USP6: variants seen among roughly 807,000 people sequenced by gnomAD.
USP6 encodes ubiquitin carboxyl-terminal hydrolase 6.
A neutral mutation model predicts 175.7 loss-of-function variants in USP6; 128 were observed. That is an observed-to-expected ratio of 0.73 (90% CI 0.63 to 0.84). The LOEUF (loss-of-function observed/expected upper bound fraction) is 0.84, where lower values mean the gene tolerates loss of function less well. USP6 is among the 40% of genes least tolerant of loss of function. The pLI is 0.00. For missense variants in USP6, 1,498 were observed against 1,760.3 expected (o/e 0.85, Z 2.67); for synonymous variants, 562 against 630.6 (o/e 0.89, Z 1.63).
chr17:5,126,680 C>G (rs2072904668), intron 6 of USP6: 1 of 152,322 alleles, frequency 6.6e-6, no homozygotes, highest in African/African-American at 2.4e-5. Context: ...CCTCATCTCT[C>G]TTTCTCTCTC....
intron 24 of USP6, 76 bp downstream of exon 24, chr17:5,142,217 T>C: frequency 2.6e-6 from 4 of 1,561,684 alleles, no homozygotes; most frequent in Non-Finnish European, 2.6e-6. Flanking sequence ...TTTCCTCTTT[T>C]TTCACCCTGC....
chr17:5,138,906 G>A, intron 21 of USP6: 1 of 1,026,086 alleles, frequency 9.7e-7, no homozygotes, highest in Non-Finnish European at 1.4e-6. Flanking sequence ...CATGTGAGGT[G>A]GCAAGGAGCT....
intron 37 of USP6, 57 bp downstream of exon 37, chr17:5,171,736 T>C: frequency 6.5e-7 from 1 of 1,547,140 alleles, no homozygotes; most frequent in South Asian, 1.1e-5. Context: ...TGGGGAACAT[T>C]TGTTGAAATA....
At position 5,133,880 on chromosome 17, in the gene USP6, C is replaced by G. The variant is rs765715297; in HGVS notation, c.385-7C>G. 1.9e-6 allele frequency: 3 copies of G among 1,613,794 alleles called. No homozygotes were observed. Among genetic ancestry groups the G allele is most frequent in the Non-Finnish European group, 2.5e-6 (3 of 1,179,812 alleles). On this transcript the variant is annotated splice_polypyrimidine_tract_variant and splice_region_variant and intron_variant, in intron 14 of 37. Transcript: ENST00000574788. ...GGCTGCTTCCTCCTCTTGGCCCTGC[C>G]CTACAGATCATGAAGGAGAGGGGCA... is the stretch of plus-strand genomic sequence containing the variant.
rs1445631903 is a variant in USP6, at chr17:5,121,754, AG to A, written c.-1299+5del. 1.9e-5 allele frequency: 3 copies of A among 156,444 alleles called. No individual in the cohort carries two copies. The highest frequency in any genetic ancestry group is 7.2e-5 in the African/African-American group (3 of 41,458). The allele number at this position is 156,444 out of a possible 1,614,324, so 9.7% of individuals were successfully genotyped here. ...TGCTAGAGGTTGAGGACGCTCAGTGAGTGTGCACCCGGGTACCTGCTGGGGC... is the reference window on the plus strand; with the variant it reads ...TGCTAGAGGTTGAGGACGCTCAGTGATGTGCACCCGGGTACCTGCTGGGGC... On this transcript the variant is annotated splice_donor_5th_base_variant and intron_variant, in intron 4 of 37. Transcript: ENST00000574788.
intron 32 of USP6, 36 bp from the exon 33 acceptor site, chr17:5,162,848 T>G: frequency 6.3e-7 from 1 of 1,576,338 alleles, no homozygotes; most frequent in Non-Finnish European, 8.5e-7. Flanking sequence ...CCTTCATAAT[T>G]ATTTCTTCCT....
chr17:5,155,625 T>G lies in USP6; in HGVS notation c.2828+19T>G, dbSNP rs1598072585. On this transcript the variant is annotated intron_variant, in intron 31 of 37. Transcript: ENST00000574788. ...AGGATCGGTGAGTTCAGGGGATCCA[T>G]CTAAACCTGTGGTTTCCAAACTCTA... The G allele has an allele frequency of 6.2e-7, 1 of 1,601,852 alleles. No individual in the cohort carries two copies. Among genetic ancestry groups the G allele is most frequent in the East Asian group, 2.2e-5 (1 of 44,712 alleles).
chr17:5,145,320 T>G, intron 26 of USP6, 85 bp from the exon 27 acceptor site: 1 of 1,430,124 alleles, frequency 7.0e-7, no homozygotes, highest in South Asian at 1.6e-5. Context: ...TTAAATCCAA[T>G]ATATTTAACC....
Position 5,168,018 on chromosome 17 carries a change from C to T in USP6, c.3123C>T (p.Thr1041=). The change falls in exon 34 of 38, where the codon ACC becomes ACT. Residue 1041 remains threonine, a synonymous_variant. Coordinates refer to ENST00000574788, the MANE Select transcript of USP6 (RefSeq NM_001304284.2). ...INLDSCLRAF[T]SEEELGESEM... is the part of the protein sequence containing the mutation. ...TGGACAGCTGTCTCCGTGCTTTCACCAGTGAGGAAGAGCTAGGGGAAAGTG... is the reference window on the plus strand; with the variant it reads ...TGGACAGCTGTCTCCGTGCTTTCACTAGTGAGGAAGAGCTAGGGGAAAGTG... 6.2e-7 allele frequency: 1 copy of T among 1,611,970 alleles called. No homozygotes were observed. Among genetic ancestry groups the T allele is most frequent in the Non-Finnish European group, 8.5e-7 (1 of 1,179,848 alleles).
Position 5,142,602 on chromosome 17 carries a change from A to T in USP6, c.1818+100A>T, listed in dbSNP as rs1164361888. 3.5e-6 allele frequency: 5 copies of T among 1,448,750 alleles called. No individual in the cohort carries two copies. The African/African-American group carries it at 7.1e-5, about 21-fold the overall frequency. 89.7% of individuals were successfully genotyped at this position (1,448,750 alleles called of 1,614,324 possible). On this transcript the variant is annotated intron_variant, in intron 25 of 37. Coordinates refer to ENST00000574788, the MANE Select transcript of USP6 (RefSeq NM_001304284.2). ...TGTGTTTAGCCTTTTAGCTTAATGA[A>T]CGTTTTTGGATCCTTTACTTGGTAT...
chr17:5,146,305 CA>C, intron 28 of USP6, 131 bp downstream of exon 28: 1 of 1,293,774 alleles, frequency 7.7e-7, no homozygotes, highest in South Asian at 1.9e-5. Flanking sequence ...TGAACAACAA[CA>C]AAAAATGCCA....
chr17:5,147,656 G>A (rs2144015922), intron 29 of USP6, among the ~76,000 whole-genome samples: 1 of 152,224 alleles, frequency 6.6e-6, no homozygotes, highest in South Asian at 2.1e-4. Flanking sequence ...GGCTTTATGA[G>A]GCTCCCTTCA....
chr17:5,138,072 T>C, intron 20 of USP6, 49 bp from the exon 21 acceptor site: 1 of 1,613,476 alleles, frequency 6.2e-7, no homozygotes, highest in East Asian at 2.2e-5. Flanking sequence ...GTATGAGCTG[T>C]GACCATTCCC....
Position 5,135,812 on chromosome 17 carries a change from TGG to T in USP6, c.550_551del (p.Gly184LeufsTer18). ...TGGTGACTCTGGCTCTTGCAGGAGG[TGG>T]GCTACTGCAGGGACCTGAGCCACAT... On this transcript the variant is annotated frameshift_variant, in exon 17 of 38. Transcript: ENST00000574788. LOFTEE classifies it high-confidence loss of function. 1 of 1,597,880 alleles carries T rather than the reference TGG, an allele frequency of 6.3e-7. No individual in the cohort carries two copies. The highest frequency in any genetic ancestry group is 1.3e-5 in the African/African-American group (1 of 74,920).
chr17:5,168,657 G>T lies in USP6; in HGVS notation c.3229-110G>T, dbSNP rs2074146743. 3.9e-5 allele frequency: 55 copies of T among 1,397,818 alleles called. No homozygotes were observed. The South Asian group carries it at 8.0e-4, about 20-fold the overall frequency. The allele number at this position is 1,397,818 out of a possible 1,614,324, so 86.6% of individuals were successfully genotyped here. A position where few individuals can be genotyped will look rare whatever the true frequency, so the allele number is the denominator to read the frequency against. On this transcript the variant is annotated intron_variant, in intron 34 of 37. Transcript: ENST00000574788. Reference sequence around the variant, plus strand: ...CTTTAAAAAATAATGAAGAGTAAATGTTCTGTTATATATTTCCAAACATTC... The same window carrying T: ...CTTTAAAAAATAATGAAGAGTAAATTTTCTGTTATATATTTCCAAACATTC...
intron 24 of USP6, 60 bp downstream of exon 24, chr17:5,142,201 C>T (rs1010130804): frequency 4.5e-6 from 7 of 1,568,876 alleles, no homozygotes; most frequent in Non-Finnish European, 6.0e-6. Context: ...CCCACTATCA[C>T]CTAAATTTCC....
At chr17:5,120,922 A>G in intron 3 of USP6, 134 bp downstream of exon 3, 1 of 454,532 alleles carries the variant, frequency 2.2e-6, no homozygotes, top group Non-Finnish European at 4.4e-6. Flanking sequence ...CCAGCCCCTC[A>G]TGATTTCGAT....
At position 5,124,912 on chromosome 17, in the gene USP6, T is replaced by A. The variant is rs2072838667; in HGVS notation, c.-952T>A. On this transcript the variant is annotated 5_prime_UTR_variant, in exon 5 of 38. Transcript: ENST00000574788. ...ATTTTGGGTGGTTCAAGGTGAATAATTTCAATTGACATAATAATGTATTTA... is the reference window on the plus strand; with the variant it reads ...ATTTTGGGTGGTTCAAGGTGAATAAATTCAATTGACATAATAATGTATTTA... 6.6e-6 allele frequency: 1 copy of A among 152,162 alleles called. No homozygotes were observed. Among genetic ancestry groups the A allele is most frequent in the Admixed American group, 6.5e-5 (1 of 15,278 alleles). 9.4% of individuals were successfully genotyped at this position (152,162 alleles called of 1,614,324 possible).
chr17:5,138,034 C>T lies in USP6; in HGVS notation c.926-87C>T, dbSNP rs2073313734. 6.2e-6 allele frequency: 10 copies of T among 1,606,828 alleles called. No homozygotes were observed. In the South Asian group the frequency reaches 1.1e-4, roughly 18 times the overall value. On this transcript the variant is annotated intron_variant, in intron 20 of 37. Transcript: ENST00000574788. ...GTGGCCACAAAAGGATTCGGCACCGCCCAGTGGGAGACTGAAGTGGCCACA... is the reference window on the plus strand; with the variant it reads ...GTGGCCACAAAAGGATTCGGCACCGTCCAGTGGGAGACTGAAGTGGCCACA...
Sources: gnomAD v4.1 joint callset for allele counts (sites outside exome capture counted in the v4.1 genomes callset) on GRCh38, gnomAD v4.1.1 for gene constraint, MANE v1.5 for transcripts, NCBI Gene and HGNC (gene_info 2026-07-23, HGNC 2026-07-21) for gene names.